The following XKR9 variants were observed in gnomAD, a reference collection of about 807,000 sequenced individuals.
XKR9 encodes the protein XK-related protein 9.
XKR9 carries 32 observed loss-of-function variants against 32.0 expected under a neutral mutation model. The observed-to-expected ratio is 1.00, with a 90% CI of 0.76 to 1.34. XKR9 has a LOEUF of 1.34. Among genes scored for constraint, XKR9 ranks in the 40% most tolerant of loss-of-function variants. The probability of loss-of-function intolerance (pLI) is 0.00; values close to 1 mark genes in which losing one functional copy is unlikely to be tolerated. For synonymous variants in XKR9, 168 were observed against 143.4 expected (o/e 1.17, Z -1.22); for missense variants, 546 against 429.7 (o/e 1.27, Z -2.39).
chr8:70,671,134 C>T (rs553963635), intron 1 of XKR9, among the ~76,000 whole-genome samples: 2 of 152,304 alleles, frequency 1.3e-5, no homozygotes, highest in African/African-American at 4.8e-5. Context: ...TGAACTCAAG[C>T]GATTCAGGTG....
the XKR9 span, among the ~76,000 whole-genome samples, chr8:70,888,740 A>G: frequency 0.11 from 17,402 of 151,882 alleles, 1,181 homozygotes; most frequent in African/African-American, 0.19. Flanking sequence ...TTCTTGGCAC[A>G]TTTGTAGAAA....
chr8:70,845,431 G>A, the XKR9 span, among the ~76,000 whole-genome samples: 2 of 152,054 alleles, frequency 1.3e-5, no homozygotes, highest in East Asian at 3.8e-4. Context: ...TCTCTGCAAA[G>A]GATTCCAACA....
chr8:70,884,264 T>C, the XKR9 span, among the ~76,000 whole-genome samples: 1 of 152,168 alleles, frequency 6.6e-6, no homozygotes, highest in Non-Finnish European at 1.5e-5. Context: ...GTTATTTTTG[T>C]ATATTTGGAT....
At chr8:70,721,225 AT>A (rs1207688715) in intron 4 of XKR9, among the ~76,000 whole-genome samples, 2 of 151,832 alleles carry the variant, frequency 1.3e-5, no homozygotes, top group Non-Finnish European at 2.9e-5. Flanking sequence ...TGGTGTATCT[AT>A]TTTGTTAATC....
chr8:71,002,152 A>G, the XKR9 span, among the ~76,000 whole-genome samples: 1 of 152,208 alleles, frequency 6.6e-6, no homozygotes, highest in African/African-American at 2.4e-5. Context: ...TTTTCAGGCC[A>G]TTGTGATACC....
chr8:70,945,854 C>T, the XKR9 span, among the ~76,000 whole-genome samples: 12 of 152,290 alleles, frequency 7.9e-5, no homozygotes, highest in East Asian at 1.9e-3. Context: ...AAGAGACATG[C>T]GGCCAGGCGC....
At chr8:70,758,579 T>G (rs534104731) in intron 2 of XKR9, among the ~76,000 whole-genome samples, 1 of 152,328 alleles carries the variant, frequency 6.6e-6, no homozygotes, top group East Asian at 1.9e-4. Context: ...CCAGATAATG[T>G]GGAATCAGAG....
chr8:70,829,440 T>G, the XKR9 span, among the ~76,000 whole-genome samples: 8 of 152,176 alleles, frequency 5.3e-5, no homozygotes, highest in African/African-American at 1.9e-4. Context: ...TTGACATGTA[T>G]TATTTAACTG....
At chr8:71,022,422 TTTCAGAATTTTA>T in the XKR9 span, among the ~76,000 whole-genome samples, 1 of 152,174 alleles carries the variant, frequency 6.6e-6, no homozygotes, top group Non-Finnish European at 1.5e-5. Context: ...GCAGGTTTTT[TTTCAGAATTTTA>T]AATATATTAT....
At chr8:70,695,426 T>G (rs928650492) in intron 3 of XKR9, among the ~76,000 whole-genome samples, 9 of 148,650 alleles carry the variant, frequency 6.1e-5, no homozygotes, top group African/African-American at 2.2e-4. Flanking sequence ...GAACATGCAG[T>G]GTTTGGTTTT....
At chr8:71,060,473 C>T in the XKR9 span, among the ~76,000 whole-genome samples, 41 of 152,182 alleles carry the variant, frequency 2.7e-4, no homozygotes, top group Non-Finnish European at 5.3e-4. Context: ...GGAAAGCATT[C>T]GCTGAACCAA....
chr8:70,811,269 T>A, the XKR9 span, among the ~76,000 whole-genome samples: 95 of 152,170 alleles, frequency 6.2e-4, no homozygotes, highest in African/African-American at 2.0e-3. Flanking sequence ...CATACCAGAA[T>A]CTCTGGGACA....
chr8:70,991,923 TCTCC>T, the XKR9 span, among the ~76,000 whole-genome samples: 2 of 110 alleles, frequency 0.018, no homozygotes, highest in African/African-American at 0.05. Context: ...CCTGTTGACT[TCTCC>T]CTACATCCAT....
chr8:71,037,867 T>G, the XKR9 span, among the ~76,000 whole-genome samples: 1 of 152,308 alleles, frequency 6.6e-6, no homozygotes, highest in African/African-American at 2.4e-5. Flanking sequence ...CTGGATAGAT[T>G]TGAAGCTCAA....
At chr8:71,016,397 G>C in the XKR9 span, among the ~76,000 whole-genome samples, 4 of 152,256 alleles carry the variant, frequency 2.6e-5, no homozygotes, top group East Asian at 7.7e-4. Context: ...CAACTTGGTA[G>C]AGAGTTTAAA....
the XKR9 span, among the ~76,000 whole-genome samples, chr8:70,941,165 C>T: frequency 6.6e-6 from 1 of 151,744 alleles, no homozygotes; most frequent in South Asian, 2.1e-4. Context: ...TGCTTTCTGT[C>T]TTTTGGGATT....
chr8:70,702,779 A>C (rs940435294), intron 3 of XKR9, among the ~76,000 whole-genome samples: 11 of 152,168 alleles, frequency 7.2e-5, no homozygotes, highest in Non-Finnish European at 1.2e-4. Context: ...CTTTCAAACT[A>C]TCTGAGTCTT....
At chr8:70,744,665 G>C (rs1807033178) in intron 2 of XKR9, among the ~76,000 whole-genome samples, 1 of 152,190 alleles carries the variant, frequency 6.6e-6, no homozygotes, top group Admixed American at 6.5e-5. Context: ...GAGTGCAGTG[G>C]TGCGATCGTG....
chr8:70,945,695 G>A, the XKR9 span, among the ~76,000 whole-genome samples: 1 of 152,066 alleles, frequency 6.6e-6, no homozygotes, highest in African/African-American at 2.4e-5. Flanking sequence ...GAAGATGTCT[G>A]TGTAAACAAA....
Sources: allele counts gnomAD v4.1 joint callset (sites outside exome capture counted in the v4.1 genomes callset), GRCh38; gene constraint gnomAD v4.1.1; transcripts MANE v1.5; gene names NCBI Gene and HGNC (gene_info 2026-07-23, HGNC 2026-07-21).